SPINK13: variants seen among roughly 807,000 people sequenced by gnomAD.
SPINK13 encodes serine protease inhibitor Kazal-type 13.
Under a neutral mutation model 11.0 loss-of-function variants are expected in SPINK13, and 11 were observed. That is an observed-to-expected ratio of 1.00 (90% CI 0.63 to 1.65). The LOEUF (loss-of-function observed/expected upper bound fraction) is 1.65. Ranked by LOEUF, SPINK13 falls within the 40% of genes most tolerant of loss-of-function variation. The pLI, the probability that SPINK13 is intolerant of heterozygous loss-of-function variation, is 0.00. For missense variants in SPINK13, 113 were observed against 117.7 expected (o/e 0.96, Z 0.19); for synonymous variants, 31 against 35.6 (o/e 0.87, Z 0.46).
At chr5:148,271,382 C>A (rs1445898635) in intron 2 of SPINK13, among the ~76,000 whole-genome samples, 2 of 152,080 alleles carry the variant, frequency 1.3e-5, no homozygotes, top group Non-Finnish European at 2.9e-5. Context: ...GACAAAAGTT[C>A]AAATCCAGTA....
At chr5:148,279,091 CTTTTTTTTTTTTTT>C (rs746029113) in intron 3 of SPINK13, among the ~76,000 whole-genome samples, 2 of 51,656 alleles carry the variant, frequency 3.9e-5, no homozygotes, top group African/African-American at 1.6e-4. Flanking sequence ...GCAACCCCTG[CTTTTTTTTTTTTTT>C]TTTTTTTTTT....
intron 3 of SPINK13, among the ~76,000 whole-genome samples, chr5:148,274,685 C>T (rs1291950154): frequency 6.6e-6 from 1 of 152,086 alleles, no homozygotes; most frequent in African/African-American, 2.4e-5. Context: ...TTGGAAACTG[C>T]AGTGAGCCAT....
rs1013146645 is a variant in SPINK13 at position 148,282,219 on chromosome 5, G to A, written c.224G>A (p.Cys75Tyr). 6.2e-7 allele frequency: 1 copy of A among 1,613,992 alleles called. No homozygotes were observed. The highest frequency in any genetic ancestry group is 1.3e-5 in the African/African-American group (1 of 74,908). The change falls in exon 4 of 5, where the codon TGT becomes TAT. Residue 75 changes from cysteine to tyrosine, a missense_variant. By Grantham distance (194) the Cys-to-Tyr change is radical. Coordinates refer to ENST00000398450, the MANE Select transcript of SPINK13 (RefSeq NM_001040129.3). Reference protein sequence around the residue: ...GHTFQNECFFCVEQREFHYRI... With the variant: ...GHTFQNECFFYVEQREFHYRI... ...ACTTTCCAGAATGAGTGTTTCTTTT[G>A]TGTTGAACAGAGGTAAGTTCAGAAT... is the stretch of plus-strand genomic sequence containing the variant.
intron 4 of SPINK13, among the ~76,000 whole-genome samples, chr5:148,283,017 A>G (rs1256090855): frequency 6.6e-6 from 1 of 152,194 alleles, no homozygotes; most frequent in African/African-American, 2.4e-5. Flanking sequence ...AAGGATACAA[A>G]TTAAAATCAG....
chr5:148,270,155 AG>A lies in SPINK13; in HGVS notation c.70+14del. 6.2e-7 allele frequency: 1 copy of A among 1,613,356 alleles called. No individual in the cohort carries two copies. The highest frequency in any genetic ancestry group is 8.5e-7 in the Non-Finnish European group (1 of 1,179,418). On this transcript the variant is annotated intron_variant, in intron 2 of 4. Coordinates refer to ENST00000398450, the MANE Select transcript of SPINK13 (RefSeq NM_001040129.3). ...GTGGCTTTCTCAGGTGAGTAACCTAAGAGGTTTTGGGAGATAAACTCTGATT... is the reference window on the plus strand; with the variant it reads ...GTGGCTTTCTCAGGTGAGTAACCTAAAGGTTTTGGGAGATAAACTCTGATT...
rs530666568 is a variant in SPINK13, at chr5:148,283,992, G to A, written c.236+1761G>A. ...TTCCTTTCAGGCTCATCTAGGAAAT[G>A]TGAGGAGGCTGTAACCTCACGGAAT... On this transcript the variant is annotated intron_variant, in intron 4 of 4. Transcript: ENST00000398450. Among the ~76,000 whole-genome samples, 3 of 152,314 alleles carry A rather than the reference G, an allele frequency of 2.0e-5. No individual in the cohort carries two copies. The South Asian group carries it at 6.2e-4, about 32-fold the overall frequency.
At chr5:148,280,948 G>C (rs990772309) in intron 3 of SPINK13, among the ~76,000 whole-genome samples, 6 of 152,168 alleles carry the variant, frequency 3.9e-5, no homozygotes, top group Non-Finnish European at 7.4e-5. Context: ...GCCCCTGACT[G>C]GGGCTGCTGC....
intron 2 of SPINK13, 91 bp from the exon 3 acceptor site, chr5:148,274,256 T>C (rs1756391882): frequency 2.5e-6 from 2 of 789,918 alleles, no homozygotes; most frequent in Middle Eastern, 2.4e-4. Context: ...TATTCAATTT[T>C]ACATTATTCA....
intron 3 of SPINK13, among the ~76,000 whole-genome samples, chr5:148,277,679 A>G (rs1158794433): frequency 6.6e-6 from 1 of 152,206 alleles, no homozygotes; most frequent in Non-Finnish European, 1.5e-5. Flanking sequence ...TCAGTTTGCC[A>G]GTATTTTATT....
chr5:148,281,204 T>A (rs1756509364), intron 3 of SPINK13, among the ~76,000 whole-genome samples: 1 of 152,126 alleles, frequency 6.6e-6, no homozygotes, highest in Admixed American at 6.5e-5. Context: ...AGCCAGTGGA[T>A]CTTAGCTTGC....
At chr5:148,280,533 A>G (rs1262620183) in intron 3 of SPINK13, among the ~76,000 whole-genome samples, 1 of 152,232 alleles carries the variant, frequency 6.6e-6, no homozygotes, top group Non-Finnish European at 1.5e-5. Flanking sequence ...GCCTTCTAAC[A>G]GTCAGGCCCC....
At chr5:148,277,457 A>G (rs6881998) in intron 3 of SPINK13, among the ~76,000 whole-genome samples, 11,680 of 152,190 alleles carry the variant, frequency 0.077, 1,450 homozygotes, top group African/African-American at 0.27. Flanking sequence ...TTCAATCAAT[A>G]CCTAGTTCAT....
chr5:148,280,307 C>T (rs771315710), intron 3 of SPINK13, among the ~76,000 whole-genome samples: 11 of 152,084 alleles, frequency 7.2e-5, no homozygotes, highest in Admixed American at 2.0e-4. Context: ...ACTCATTCTC[C>T]ATCTAGTTTT....
rs1281869549 is a variant in SPINK13, at chr5:148,270,134, C to G, written c.62C>G (p.Ala21Gly). 2.4e-5 allele frequency: 39 copies of G among 1,613,866 alleles called. No homozygotes were observed. The Admixed American group carries it at 6.2e-4, about 26-fold the overall frequency. The change falls in exon 2 of 5, where the codon GCT (alanine) becomes GGT (glycine). Residue 21 changes from alanine to glycine, a missense_variant. Coordinates refer to ENST00000398450, the MANE Select transcript of SPINK13 (RefSeq NM_001040129.3). The stretch of plus-strand genomic sequence containing the variant: ...GTATGCTCTACTTTGACACATGTGG[C>G]TTTCTCAGGTGAGTAACCTAAGAGG... Reference protein sequence around the residue: ...FLVCSTLTHVAFSGIFNKRDF... With the variant: ...FLVCSTLTHVGFSGIFNKRDF...
intron 3 of SPINK13, among the ~76,000 whole-genome samples, chr5:148,278,404 T>C (rs1756463484): frequency 6.6e-6 from 1 of 152,218 alleles, no homozygotes; most frequent in African/African-American, 2.4e-5. Context: ...CCTGTGGGCA[T>C]TTAGTGCTAT....
intron 4 of SPINK13, among the ~76,000 whole-genome samples, chr5:148,285,607 G>A (rs886098438): frequency 2.0e-5 from 3 of 152,106 alleles, no homozygotes; most frequent in Non-Finnish European, 4.4e-5. Context: ...TACAATCAAT[G>A]GACAGTGTGA....
In SPINK13 at chr5:148,274,452, A is replaced by G. The variant is rs1756395188; in HGVS notation, c.108+68A>G. On this transcript the variant is annotated intron_variant, in intron 3 of 4. Coordinates refer to ENST00000398450, the MANE Select transcript of SPINK13 (RefSeq NM_001040129.3). ...ATCACTCTCCAGACATGAGAGATCT[A>G]AAACTTCATGGAAAGTCAGGCACAG... 8 of 1,355,860 alleles carry G rather than the reference A, an allele frequency of 5.9e-6. No individual in the cohort carries two copies. The East Asian group carries it at 1.9e-4, about 32-fold the overall frequency. The allele number at this position is 1,355,860 out of a possible 1,614,324, so 84.0% of individuals were successfully genotyped here.
chr5:148,283,287 A>G (rs1299480825), intron 4 of SPINK13, among the ~76,000 whole-genome samples: 1 of 152,180 alleles, frequency 6.6e-6, no homozygotes, highest in African/African-American at 2.4e-5. Flanking sequence ...CCAGAGATCA[A>G]ACTGATATGG....
chr5:148,273,193 C>T (rs1420903040), intron 2 of SPINK13, among the ~76,000 whole-genome samples: 1 of 151,398 alleles, frequency 6.6e-6, no homozygotes, highest in East Asian at 1.9e-4. Context: ...TTTTTCTTCC[C>T]TCAATTTTAA....
Sources: allele counts gnomAD v4.1 joint callset (sites outside exome capture counted in the v4.1 genomes callset), GRCh38; gene constraint gnomAD v4.1.1; transcripts MANE v1.5; gene names NCBI Gene and HGNC (gene_info 2026-07-23, HGNC 2026-07-21).